The following SLC24A2 variants were observed in gnomAD, a reference collection of about 807,000 sequenced individuals.
SLC24A2 encodes the protein solute carrier family 24 member 2.
A neutral mutation model predicts 62.0 loss-of-function variants in SLC24A2; 36 were observed. That is an observed-to-expected ratio of 0.58 (90% CI 0.44 to 0.77). The LOEUF (loss-of-function observed/expected upper bound fraction) is 0.77, where lower values mean the gene tolerates loss of function less well. Among genes scored for constraint, SLC24A2 ranks in the 30% least tolerant of loss-of-function variants. The pLI is 0.00. For missense variants in SLC24A2, 846 were observed against 817.9 expected (o/e 1.03, Z -0.42); for synonymous variants, 358 against 294.0 (o/e 1.22, Z -2.23).
the SLC24A2 span, among the ~76,000 whole-genome samples, chr9:20,009,766 C>A: frequency 8.5e-5 from 13 of 152,162 alleles, no homozygotes; most frequent in Non-Finnish European, 1.0e-4. Context: ...GGGGAGGGAG[C>A]ATCTGGCCCT....
At chr9:20,146,290 T>C in the SLC24A2 span, among the ~76,000 whole-genome samples, 4 of 152,218 alleles carry the variant, frequency 2.6e-5, no homozygotes, top group South Asian at 2.1e-4. Context: ...GTAGGTTCTG[T>C]CTGAGTCGTG....
intron 2 of SLC24A2, among the ~76,000 whole-genome samples, chr9:19,685,605 C>G (rs1029027457): frequency 6.6e-6 from 1 of 151,918 alleles, no homozygotes; most frequent in African/African-American, 2.4e-5. Flanking sequence ...ATAGAGAACC[C>G]AGAAATAAAG....
At chr9:19,902,729 G>C in the SLC24A2 span, among the ~76,000 whole-genome samples, 2 of 152,178 alleles carry the variant, frequency 1.3e-5, no homozygotes, top group Non-Finnish European at 2.9e-5. Flanking sequence ...CCTCCAGAAA[G>C]AGCCATATTT....
rs1818428545 is a variant in SLC24A2 at position 19,639,107 on chromosome 9, G to GT, written c.931-16809_931-16808insA. Among the ~76,000 whole-genome samples, 4 of 66,702 alleles carry GT rather than the reference G, an allele frequency of 6.0e-5. No homozygotes were observed. The South Asian group carries it at 1.6e-3, about 27-fold the overall frequency. 43.8% of individuals were successfully genotyped at this position (66,702 alleles called of 152,430 possible). On this transcript the variant is annotated intron_variant, in intron 2 of 10. Transcript: ENST00000341998. ...TGATCGCTATTCTGCATTTGCAAGT[G>GT]GTTTTTTCCCCCAACAACAACAAAA...
At chr9:19,547,034 C>T (rs1563952602) in intron 8 of SLC24A2, among the ~76,000 whole-genome samples, 1 of 152,164 alleles carries the variant, frequency 6.6e-6, no homozygotes, top group African/African-American at 2.4e-5. Context: ...CTGTGGCGAT[C>T]TCGCTGGGAG....
At chr9:19,696,206 C>A in intron 2 of SLC24A2, among the ~76,000 whole-genome samples, 1 of 152,190 alleles carries the variant, frequency 6.6e-6, no homozygotes, top group East Asian at 1.9e-4. Context: ...ACAGTTTCAT[C>A]GCAAAACCAT....
At chr9:19,996,702 A>C in the SLC24A2 span, among the ~76,000 whole-genome samples, 2 of 146,426 alleles carry the variant, frequency 1.4e-5, no homozygotes, top group Non-Finnish European at 3.0e-5. Context: ...AGATGGTGCC[A>C]CTGCACCACT....
In SLC24A2 at chr9:19,572,806, A is replaced by G. The variant is rs1887485; in HGVS notation, c.1347+545T>C. On this transcript the variant is annotated intron_variant, in intron 7 of 10. Transcript: ENST00000341998. ...ACTGAAAAGTTCAAGTGGTTGTGCC[A>G]TTGAATAATGGGTTGGGCCAGAGAG... Among the ~76,000 whole-genome samples the G allele has an allele frequency of 1.5e-3, 226 of 152,316 alleles. 1 individual carries two copies. Among genetic ancestry groups the G allele is most frequent in the African/African-American group, 5.2e-3 (215 of 41,578 alleles).
chr9:19,904,281 A>T, the SLC24A2 span, among the ~76,000 whole-genome samples: 1 of 152,184 alleles, frequency 6.6e-6, no homozygotes, highest in East Asian at 1.9e-4. Flanking sequence ...TCTAGAAGAG[A>T]TTGTATGGAT....
At chr9:20,226,609 G>A in the SLC24A2 span, among the ~76,000 whole-genome samples, 3 of 152,154 alleles carry the variant, frequency 2.0e-5, no homozygotes, top group East Asian at 5.8e-4. Context: ...GGGTGTATGT[G>A]TGCACATATT....
chr9:20,229,508 T>C, the SLC24A2 span, among the ~76,000 whole-genome samples: 3 of 152,100 alleles, frequency 2.0e-5, no homozygotes, highest in Non-Finnish European at 2.9e-5. Flanking sequence ...TAAAAGACTA[T>C]TTCATTTATA....
the SLC24A2 span, among the ~76,000 whole-genome samples, chr9:20,240,154 A>G: frequency 6.6e-6 from 1 of 152,250 alleles, no homozygotes; most frequent in East Asian, 1.9e-4. Context: ...TGTCCTTTTC[A>G]AGAAGGCAGG....
chr9:19,987,314 C>T, the SLC24A2 span, among the ~76,000 whole-genome samples: 11 of 152,108 alleles, frequency 7.2e-5, no homozygotes, highest in African/African-American at 2.4e-4. Flanking sequence ...GGCAGACAGA[C>T]CTTATTAGCA....
chr9:19,692,816 C>T (rs1038799202), intron 2 of SLC24A2, among the ~76,000 whole-genome samples: 14 of 151,984 alleles, frequency 9.2e-5, no homozygotes, highest in African/African-American at 2.4e-4. Flanking sequence ...AGGAAGTGCT[C>T]GATAAAAATT....
At chr9:19,764,077 T>C (rs1482735054) in intron 2 of SLC24A2, among the ~76,000 whole-genome samples, 1 of 152,228 alleles carries the variant, frequency 6.6e-6, no homozygotes, top group Non-Finnish European at 1.5e-5. Context: ...CCATGTCTTC[T>C]AGATTTTCTA....
At chr9:19,583,734 G>A (rs543604314) in intron 5 of SLC24A2, among the ~76,000 whole-genome samples, 1 of 152,254 alleles carries the variant, frequency 6.6e-6, no homozygotes, top group African/African-American at 2.4e-5. Context: ...GGGTGTACCA[G>A]GTGTTTATAC....
At chr9:19,990,616 CAAAAAAAAAAAAACAAAACAA>C in the SLC24A2 span, among the ~76,000 whole-genome samples, 1 of 45,130 alleles carries the variant, frequency 2.2e-5, no homozygotes, top group Non-Finnish European at 5.2e-5. Flanking sequence ...CCTAAAAAAA[CAAAAAAAAAAAAACAAAACAA>C]AAAAAAAAAA....
rs72142691 is a variant in SLC24A2, at chr9:19,680,851, TTGTGTGTGTGTGTGTGTG to T, written c.931-58570_931-58553del. On this transcript the variant is annotated intron_variant, in intron 2 of 10. Transcript: ENST00000341998. ...TTTAAACTCAAAATATATACCAGAGTTGTGTGTGTGTGTGTGTGTGTGTGTGTGTGTGTGTCACAATGC... is the reference window on the plus strand; with the variant it reads ...TTTAAACTCAAAATATATACCAGAGTTGTGTGTGTGTGTGTGTCACAATGC... Among the ~76,000 whole-genome samples the T allele has an allele frequency of 8.5e-4, 125 of 147,074 alleles. 1 individual carries two copies. The highest frequency in any genetic ancestry group is 6.6e-4 in the Non-Finnish European group (44 of 66,564).
intron 5 of SLC24A2, among the ~76,000 whole-genome samples, chr9:19,592,593 C>G (rs1836591247): frequency 6.6e-6 from 1 of 151,942 alleles, no homozygotes; most frequent in African/African-American, 2.4e-5. Context: ...CTTTGAAGAG[C>G]AAAAATTACT....
Sources: gnomAD v4.1 joint callset for allele counts (sites outside exome capture counted in the v4.1 genomes callset) on GRCh38, gnomAD v4.1.1 for gene constraint, MANE v1.5 for transcripts, NCBI Gene and HGNC (gene_info 2026-07-23, HGNC 2026-07-21) for gene names.